NCALD: variants seen among roughly 807,000 people sequenced by gnomAD.
The protein encoded by NCALD is neurocalcin-delta.
NCALD carries 10 observed loss-of-function variants against 18.6 expected under a neutral mutation model. That is an observed-to-expected ratio of 0.54 (90% CI 0.33 to 0.91). The LOEUF (loss-of-function observed/expected upper bound fraction) is 0.91. Ranked by LOEUF, NCALD falls within the 40% of genes least tolerant of loss-of-function variation. The probability of loss-of-function intolerance (pLI) is 0.03; values close to 1 mark genes in which losing one functional copy is unlikely to be tolerated. For missense variants in NCALD, 184 were observed against 247.6 expected (o/e 0.74, Z 1.72); for synonymous variants, 88 against 87.4 (o/e 1.01, Z -0.04).
At chr8:102,080,420 C>G (rs1350088238) in intron 1 of NCALD, among the ~76,000 whole-genome samples, 1 of 152,184 alleles carries the variant, frequency 6.6e-6, no homozygotes, top group Non-Finnish European at 1.5e-5. Context: ...GAGCGGGAGG[C>G]AGGCCAAGTA....
At chr8:101,851,000 TTTTTTGTTTTGG>T (rs1815069985) in intron 4 of NCALD, among the ~76,000 whole-genome samples, 1 of 152,178 alleles carries the variant, frequency 6.6e-6, no homozygotes. Context: ...ATGTTCTGTG[TTTTTTGTTTTGG>T]TTTTTGTTTT....
At chr8:102,093,090 T>G (rs975414671) in intron 1 of NCALD, among the ~76,000 whole-genome samples, 4 of 151,854 alleles carry the variant, frequency 2.6e-5, no homozygotes, top group Non-Finnish European at 4.4e-5. Flanking sequence ...CCCAGTGAGG[T>G]TGAGGCTGCA....
At chr8:101,763,934 C>T (rs550906101) in intron 1 of NCALD, among the ~76,000 whole-genome samples, 1 of 147,400 alleles carries the variant, frequency 6.8e-6, no homozygotes, top group East Asian at 2.0e-4. Context: ...TCAGATGAGC[C>T]AATTCTTTAT....
intron 4 of NCALD, among the ~76,000 whole-genome samples, chr8:101,834,372 G>C (rs774802112): frequency 6.6e-6 from 1 of 152,264 alleles, no homozygotes; most frequent in Non-Finnish European, 1.5e-5. Flanking sequence ...TGCGAGCCAG[G>C]CTTCACGTGA....
Position 102,009,791 on chromosome 8 carries a change from G to A in NCALD, c.-157+10446C>T, listed in dbSNP as rs534483967. Among the ~76,000 whole-genome samples, 5 of 152,324 alleles carry A rather than the reference G, an allele frequency of 3.3e-5. No homozygotes were observed. The South Asian group carries it at 1.0e-3, about 32-fold the overall frequency. On this transcript the variant is annotated intron_variant, in intron 2 of 6. Coordinates refer to the NCALD transcript ENST00000311028. Reference sequence around the variant, plus strand: ...CTAAGGGCTCTCTTTAGATGCCATGGTAACCACATGATTCAGGTCAAGTCT... The same window carrying A: ...CTAAGGGCTCTCTTTAGATGCCATGATAACCACATGATTCAGGTCAAGTCT...
chr8:102,017,488 T>C (rs1331036959), intron 2 of NCALD, among the ~76,000 whole-genome samples: 1 of 152,036 alleles, frequency 6.6e-6, no homozygotes, highest in Non-Finnish European at 1.5e-5. Context: ...CCAAGGTGGG[T>C]GGATCACCTG....
intron 2 of NCALD, among the ~76,000 whole-genome samples, chr8:101,706,964 C>T (rs527639170): frequency 6.6e-6 from 1 of 152,208 alleles, no homozygotes; most frequent in Non-Finnish European, 1.5e-5. Context: ...AAGTCACTAG[C>T]CTAAGCAATT....
At chr8:101,748,155 T>C (rs1450798170) in intron 1 of NCALD, among the ~76,000 whole-genome samples, 1 of 152,198 alleles carries the variant, frequency 6.6e-6, no homozygotes, top group Non-Finnish European at 1.5e-5. Context: ...GGCTCAGGTT[T>C]GATCCCAGAG....
intron 1 of NCALD, among the ~76,000 whole-genome samples, chr8:102,037,850 A>T (rs1032218265): frequency 1.3e-5 from 2 of 152,178 alleles, no homozygotes; most frequent in African/African-American, 4.8e-5. Flanking sequence ...GTTTGCTTTC[A>T]TGAAGAAAAC....
At chr8:102,050,686 T>C (rs1823412778) in intron 1 of NCALD, among the ~76,000 whole-genome samples, 2 of 147,530 alleles carry the variant, frequency 1.4e-5, no homozygotes, top group South Asian at 4.2e-4. Flanking sequence ...CTACCATTTA[T>C]GTTTGTATAT....
Position 102,107,192 on chromosome 8 carries a change from GTACA to G in NCALD, c.-210+17041_-210+17044del, listed in dbSNP as rs1205949566. 1.3e-4 allele frequency among the ~76,000 whole-genome samples: 10 copies of G among 76,816 alleles called. No homozygotes were observed. In the South Asian group the frequency reaches 2.7e-3, roughly 20 times the overall value. The allele number at this position is 76,816 out of a possible 152,430, so 50.4% of individuals were successfully genotyped here. On this transcript the variant is annotated intron_variant, in intron 1 of 6. Coordinates refer to the NCALD transcript ENST00000311028. The stretch of plus-strand genomic sequence containing the variant: ...ATTTATCTACAGCCTATATATGTGT[GTACA>G]TATATATATATATATATATATATAT...
intron 3 of NCALD, chr8:101,691,598 T>C (rs1437087280): frequency 1.0e-6 from 1 of 985,274 alleles, no homozygotes; most frequent in Non-Finnish European, 1.2e-6. Flanking sequence ...TAATTAACTA[T>C]TAAAATAATC....
rs181940965 is a variant in NCALD, at chr8:101,854,010, C to T, written c.-20+33131G>A. Among the ~76,000 whole-genome samples, 97 of 152,318 alleles carry T rather than the reference C, an allele frequency of 6.4e-4. No individual in the cohort carries two copies. In the East Asian group the frequency reaches 0.014, roughly 22 times the overall value. Reference sequence around the variant, plus strand: ...AAGGAACTTTCAGGAACAACTGCTGCTCCGAGGACTCTATGTCAGATATAA... The same window carrying T: ...AAGGAACTTTCAGGAACAACTGCTGTTCCGAGGACTCTATGTCAGATATAA... On this transcript the variant is annotated intron_variant, in intron 4 of 6. Coordinates refer to the NCALD transcript ENST00000311028.
At chr8:101,860,154 A>G (rs1275346959) in intron 4 of NCALD, among the ~76,000 whole-genome samples, 2 of 152,226 alleles carry the variant, frequency 1.3e-5, no homozygotes, top group African/African-American at 4.8e-5. Context: ...ATTGAAATCA[A>G]GAACTGGACC....
chr8:101,764,437 T>C lies in NCALD; in HGVS notation c.-20+26425A>G, dbSNP rs118042596. Among the ~76,000 whole-genome samples the C allele has an allele frequency of 5.2e-3, 799 of 152,320 alleles. 3 individuals are homozygous for C. Among genetic ancestry groups the C allele is most frequent in the Non-Finnish European group, 8.5e-3 (577 of 68,020 alleles). ...GCCACTGGAAAATGCCATTGCATTTTTAGCAATATAGTGGCCACTGGTGAC... is the reference window on the plus strand; with the variant it reads ...GCCACTGGAAAATGCCATTGCATTTCTAGCAATATAGTGGCCACTGGTGAC... On this transcript the variant is annotated intron_variant, in intron 1 of 3. Transcript: ENST00000220931.
intron 4 of NCALD, among the ~76,000 whole-genome samples, chr8:101,801,564 C>T (rs1188945165): frequency 6.8e-6 from 1 of 146,844 alleles, no homozygotes; most frequent in Non-Finnish European, 1.5e-5. Context: ...ATAGAAAATC[C>T]CTGAATGGAA....
intron 2 of NCALD, among the ~76,000 whole-genome samples, chr8:101,971,180 G>A (rs534460911): frequency 6.6e-6 from 1 of 152,202 alleles, no homozygotes; most frequent in East Asian, 1.9e-4. Flanking sequence ...TCCAGCCTCA[G>A]ATACTCTGTT....
Position 102,082,226 on chromosome 8 carries a change from C to CTTTTTTT in NCALD, c.-210+42004_-210+42010dup, listed in dbSNP as rs757875219. The stretch of plus-strand genomic sequence containing the variant: ...TGGGCAGTTATTTGAGAAGCTCTCT[C>CTTTTTTT]TTTTTTTTTTTTTTTTTTTTTTTTG... On this transcript the variant is annotated intron_variant, in intron 1 of 6. Coordinates refer to the NCALD transcript ENST00000311028. 5.8e-3 allele frequency among the ~76,000 whole-genome samples: 418 copies of CTTTTTTT among 71,860 alleles called. 19 individuals carry two copies. The highest frequency in any genetic ancestry group is 8.8e-3 in the Non-Finnish European group (371 of 42,104). 47.1% of individuals were successfully genotyped at this position (71,860 alleles called of 152,430 possible). A position where few individuals can be genotyped will look rare whatever the true frequency, so the allele number is the denominator to read the frequency against.
At chr8:101,799,588 T>A (rs1285546285) in intron 4 of NCALD, among the ~76,000 whole-genome samples, 1 of 152,174 alleles carries the variant, frequency 6.6e-6, no homozygotes, top group Non-Finnish European at 1.5e-5. Context: ...TACTACTTAG[T>A]ACTAAAATTG....
Sources: gnomAD v4.1 joint callset for allele counts (sites outside exome capture counted in the v4.1 genomes callset) on GRCh38, gnomAD v4.1.1 for gene constraint, MANE v1.5 for transcripts, NCBI Gene and HGNC (gene_info 2026-07-23, HGNC 2026-07-21) for gene names.